Variants in GALNT8 observed in about 807,000 individuals in gnomAD.
GALNT8 encodes polypeptide N-acetylgalactosaminyltransferase 8, also known as probable polypeptide N-acetylgalactosaminyltransferase 8.
Under a neutral mutation model 62.7 loss-of-function variants are expected in GALNT8, and 66 were observed. That is an observed-to-expected ratio of 1.05 (90% CI 0.86 to 1.29). GALNT8 has a LOEUF of 1.29. GALNT8 is among the 50% of genes most tolerant of loss of function. The pLI is 0.00. For synonymous variants in GALNT8, 288 were observed against 294.3 expected (o/e 0.98, Z 0.22); for missense variants, 771 against 791.8 (o/e 0.97, Z 0.32).
chr12:4,738,329 A>G (rs1946255209), intron 2 of GALNT8, among the ~76,000 whole-genome samples: 1 of 152,228 alleles, frequency 6.6e-6, no homozygotes, highest in Non-Finnish European at 1.5e-5. Flanking sequence ...CTTAGAAAAA[A>G]ATGACAGCAA....
intron 1 of GALNT8, among the ~76,000 whole-genome samples, chr12:4,722,995 T>C (rs954796155): frequency 6.6e-6 from 1 of 151,348 alleles, no homozygotes; most frequent in African/African-American, 2.4e-5. Flanking sequence ...GAAGGGAAAG[T>C]GTGATGGGAG....
intron 2 of GALNT8, among the ~76,000 whole-genome samples, chr12:4,735,180 T>C (rs965915723): frequency 6.6e-6 from 1 of 152,214 alleles, no homozygotes; most frequent in Non-Finnish European, 1.5e-5. Flanking sequence ...GAGTGCAACA[T>C]TTTCTTTCCC....
chr12:4,729,758 C>G lies in GALNT8; in HGVS notation c.509+2929C>G, dbSNP rs75235906. 6.7e-3 allele frequency among the ~76,000 whole-genome samples: 1,018 copies of G among 152,216 alleles called. 13 individuals carry two copies. The highest frequency in any genetic ancestry group is 0.023 in the African/African-American group (974 of 41,534). On this transcript the variant is annotated intron_variant, in intron 2 of 10. Coordinates refer to ENST00000252318, the MANE Select transcript of GALNT8 (RefSeq NM_017417.2). ...TGGAGATATACCCAGTATAGGATTG[C>G]TAGATCATACAGTAGTTCCATTTTT...
chr12:4,736,174 A>G (rs1175732054), intron 2 of GALNT8, among the ~76,000 whole-genome samples: 2 of 152,132 alleles, frequency 1.3e-5, no homozygotes, highest in Non-Finnish European at 2.9e-5. Context: ...ACTGAAAATC[A>G]TTTGCCAACC....
At chr12:4,755,073 A>G (rs1311077989) in intron 6 of GALNT8, among the ~76,000 whole-genome samples, 1 of 152,196 alleles carries the variant, frequency 6.6e-6, no homozygotes, top group African/African-American at 2.4e-5. Context: ...GGGATGGGTC[A>G]TGCCAGTACT....
At chr12:4,723,323 T>A (rs1946179474) in intron 1 of GALNT8, among the ~76,000 whole-genome samples, 1 of 152,160 alleles carries the variant, frequency 6.6e-6, no homozygotes, top group Admixed American at 6.5e-5. Context: ...AGCCCTGGCT[T>A]ACCTGGGTGG....
Position 4,726,710 on chromosome 12 carries a change from G to A in GALNT8, c.390G>A (p.Glu130=), listed in dbSNP as rs762236869. Residue 130 remains glutamate (E), a synonymous_variant, in exon 2 of 11, where the codon GAG becomes GAA. Coordinates refer to ENST00000252318, the MANE Select transcript of GALNT8 (RefSeq NM_017417.2). This position sits in a 1 kb window ranked among gnomAD's most constrained non-coding sequence, Gnocchi z 4.1. ...CACAGCTTTTCAGGCAATGGGGCGA[G>A]GATCTTTCTGAGGCCCAGCAGAAGG... ...PHSQLFRQWG[E]DLSEAQQKAA... is the part of the protein sequence containing the mutation. 1 of 1,614,086 alleles carries A rather than the reference G, an allele frequency of 6.2e-7. No homozygotes were observed. The highest frequency in any genetic ancestry group is 8.5e-7 in the Non-Finnish European group (1 of 1,180,014).
chr12:4,743,453 G>A (rs1946280931), intron 3 of GALNT8, among the ~76,000 whole-genome samples: 1 of 152,204 alleles, frequency 6.6e-6, no homozygotes, highest in Non-Finnish European at 1.5e-5. Flanking sequence ...TCACTTAGGT[G>A]TTGATTCCAG....
intron 7 of GALNT8, among the ~76,000 whole-genome samples, chr12:4,762,541 G>A (rs1010389855): frequency 1.3e-5 from 2 of 152,166 alleles, no homozygotes; most frequent in African/African-American, 4.8e-5. Context: ...TTTTATTGAT[G>A]TAAATATCAT....
chr12:4,758,913 T>C (rs1946359401), intron 6 of GALNT8, among the ~76,000 whole-genome samples: 1 of 151,970 alleles, frequency 6.6e-6, no homozygotes, highest in East Asian at 1.9e-4. Context: ...GTAGCTGGAA[T>C]TACAGGTGTG....
chr12:4,771,702 G>C (rs550941441), intron 10 of GALNT8, among the ~76,000 whole-genome samples: 2 of 152,146 alleles, frequency 1.3e-5, no homozygotes, highest in African/African-American at 4.8e-5. Flanking sequence ...GATCATGTGA[G>C]TCCTGCAAAG....
chr12:4,763,642 G>A (rs1465180198), intron 8 of GALNT8, among the ~76,000 whole-genome samples: 1 of 79,228 alleles, frequency 1.3e-5, no homozygotes, highest in Non-Finnish European at 2.5e-5. Flanking sequence ...CCCCGCCCCC[G>A]TTTCTCCAGC....
chr12:4,720,645 TC>T lies in GALNT8; in HGVS notation c.-30del, dbSNP rs762808397. On this transcript the variant is annotated 5_prime_UTR_variant, in exon 1 of 11. Transcript: ENST00000252318. ...CCTGCTCCAGCAGTGACACACTCAG[TC>T]CCACAGGGAGTGGACGACCCCCAGG... The T allele has an allele frequency of 1.6e-5, 21 of 1,331,782 alleles. No homozygotes were observed. The African/African-American group carries it at 2.9e-4, about 18-fold the overall frequency. 82.5% of individuals were successfully genotyped at this position (1,331,782 alleles called of 1,614,324 possible).
At chr12:4,728,838 G>C (rs1946208106) in intron 2 of GALNT8, among the ~76,000 whole-genome samples, 1 of 152,054 alleles carries the variant, frequency 6.6e-6, no homozygotes, top group Non-Finnish European at 1.5e-5. Flanking sequence ...TGTCTATTCT[G>C]GGACCTTGAA....
chr12:4,740,244 C>T (rs1037195886), intron 3 of GALNT8, among the ~76,000 whole-genome samples: 1 of 152,128 alleles, frequency 6.6e-6, no homozygotes, highest in Non-Finnish European at 1.5e-5. Context: ...AGTTCATAAT[C>T]CCGGCTTCTC....
intron 1 of GALNT8, among the ~76,000 whole-genome samples, chr12:4,723,082 C>T (rs543779921): frequency 2.6e-5 from 4 of 152,126 alleles, no homozygotes; most frequent in Non-Finnish European, 5.9e-5. Context: ...TCATAAGACT[C>T]ATCATATTTT....
Position 4,726,933 on chromosome 12 carries a change from G to T in GALNT8, c.509+104G>T. 1 of 977,570 alleles carries T rather than the reference G, an allele frequency of 1.0e-6. No individual in the cohort carries two copies. Among genetic ancestry groups the T allele is most frequent in the East Asian group, 2.4e-5 (1 of 41,614 alleles). The allele number at this position is 977,570 out of a possible 1,614,324, so 60.6% of individuals were successfully genotyped here. A position where few individuals can be genotyped will look rare whatever the true frequency, so the allele number is the denominator to read the frequency against. ...GCTGGGGGAGTGGGGGATTGTTGGG[G>T]AAGGGGTTCAGGCTGAGCAAAGTTG... On this transcript the variant is annotated intron_variant, in intron 2 of 10. Coordinates refer to ENST00000252318, the MANE Select transcript of GALNT8 (RefSeq NM_017417.2). The surrounding 1 kb of genome is among the most constrained non-coding windows in gnomAD (Gnocchi z 4.1).
At chr12:4,764,437 G>T (rs151129691) in intron 9 of GALNT8, among the ~76,000 whole-genome samples, 2 of 151,884 alleles carry the variant, frequency 1.3e-5, no homozygotes, top group African/African-American at 4.8e-5. Flanking sequence ...CTCCTATAGC[G>T]AAGGAAGCAG....
chr12:4,765,382 G>A lies in GALNT8; in HGVS notation c.1597G>A (p.Val533Ile). 1 of 760,210 alleles carries A rather than the reference G, an allele frequency of 1.3e-6. No homozygotes were observed. The highest frequency in any genetic ancestry group is 2.0e-6 in the Non-Finnish European group (1 of 502,754). The allele number at this position is 760,210 out of a possible 1,614,324, so 47.1% of individuals were successfully genotyped here. ...TTTTTTTTTTTTTTTTTTTTAGAAT[G>A]TCTACTATCACCTAACTGGGGAGCT... ...YYCHEFSSQNVYYHLTGELYV... is the reference protein window; with the variant it reads ...YYCHEFSSQNIYYHLTGELYV... The change falls in exon 10 of 11, where the codon GTC becomes ATC. Residue 533 changes from valine to isoleucine, a missense_variant. Transcript: ENST00000252318.
Sources: gnomAD v4.1 joint callset for allele counts (sites outside exome capture counted in the v4.1 genomes callset) on GRCh38, gnomAD v4.1.1 for gene constraint, Gnocchi (gnomAD v3.1) non-coding constraint, MANE v1.5 for transcripts, NCBI Gene and HGNC (gene_info 2026-07-23, HGNC 2026-07-21) for gene names.